Variants in SCN3A observed in about 807,000 individuals in gnomAD.
The protein encoded by SCN3A is sodium voltage-gated channel alpha subunit 3.
In SCN3A, 60 loss-of-function variants were observed where a neutral mutation model predicts 187.6. That is an observed-to-expected ratio of 0.32 (90% CI 0.26 to 0.40). SCN3A has a LOEUF of 0.40. Among genes scored for constraint, SCN3A ranks in the 10% least tolerant of loss-of-function variants. The pLI, the probability that SCN3A is intolerant of heterozygous loss-of-function variation, is 1.00. For missense variants in SCN3A, 1,601 were observed against 2,428.2 expected, an observed-to-expected ratio of 0.66 and a Z score of 7.16; for synonymous variants, 788 against 829.2, an observed-to-expected ratio of 0.95 and a Z score of 0.85.
rs758945688 is a variant in SCN3A, at chr2:165,090,646, G to A, written c.5507C>T (p.Ala1836Val). Reference sequence around the variant, plus strand: ...ACCACTGACCATGGGCAGATCCATGGCAATAAGCTGGACTTTGTTGGGTTT... The same window carrying A: ...ACCACTGACCATGGGCAGATCCATGACAATAAGCTGGACTTTGTTGGGTTT... ...IAKPNKVQLI[A>V]MDLPMVSGDR... Residue 1836 changes from alanine (A) to valine (V), a missense_variant, in exon 28 of 28, where the codon GCC becomes GTC. Coordinates refer to ENST00000283254, the MANE Select transcript of SCN3A (RefSeq NM_006922.4). The surrounding 1 kb of genome is among the most constrained non-coding windows in gnomAD (Gnocchi z 4.0). The A allele has an allele frequency of 1.9e-6, 3 of 1,614,058 alleles. No homozygotes were observed. Among genetic ancestry groups the A allele is most frequent in the Non-Finnish European group, 2.5e-6 (3 of 1,180,006 alleles).
chr2:165,109,124 G>T (rs1398954575), intron 21 of SCN3A, among the ~76,000 whole-genome samples: 1 of 152,006 alleles, frequency 6.6e-6, no homozygotes, highest in African/African-American at 2.4e-5. Context: ...GGGTTTCTAT[G>T]ACACCATGCA....
intron 9 of SCN3A, 132 bp from the exon 10 acceptor site, chr2:165,156,035 C>G: frequency 9.2e-7 from 1 of 1,081,430 alleles, no homozygotes. Flanking sequence ...TTCCAGAACA[C>G]TTTAGGTGAT....
At chr2:165,097,855 C>A (rs1259907271) in intron 22 of SCN3A, among the ~76,000 whole-genome samples, 1 of 152,138 alleles carries the variant, frequency 6.6e-6, no homozygotes, top group Non-Finnish European at 1.5e-5. Context: ...AAAAAATAAT[C>A]ATCTTTCAGT....
chr2:165,128,928 T>A (rs879606088), intron 17 of SCN3A, among the ~76,000 whole-genome samples: 4 of 152,216 alleles, frequency 2.6e-5, no homozygotes, highest in Non-Finnish European at 4.4e-5. Flanking sequence ...TTATTTCTGA[T>A]GTAAAAGAAA....
intron 1 of SCN3A, among the ~76,000 whole-genome samples, chr2:165,200,922 G>A (rs527536247): frequency 6.6e-6 from 1 of 152,166 alleles, no homozygotes; most frequent in Non-Finnish European, 1.5e-5. Context: ...TTATTGTACC[G>A]TTAATAGAAT....
chr2:165,200,661 C>T (rs1427871429), intron 1 of SCN3A, among the ~76,000 whole-genome samples: 1 of 152,006 alleles, frequency 6.6e-6, no homozygotes, highest in Non-Finnish European at 1.5e-5. Flanking sequence ...TCCATTAAGT[C>T]ATCTTGGCTG....
intron 26 of SCN3A, chr2:165,093,961 T>C (rs1429891581): frequency 1.0e-5 from 2 of 197,202 alleles, no homozygotes; most frequent in Non-Finnish European, 2.1e-5. Flanking sequence ...ACAAACAATT[T>C]TGATGACACC....
At chr2:165,094,544 G>C in intron 25 of SCN3A, 66 bp from the exon 26 acceptor site, 1 of 1,044,974 alleles carries the variant, frequency 9.6e-7, no homozygotes, top group Non-Finnish European at 1.5e-6. Flanking sequence ...AAAAATATTT[G>C]TCTTTCCTTT....
chr2:165,099,022 G>A (rs1685483920), intron 22 of SCN3A, among the ~76,000 whole-genome samples: 1 of 152,120 alleles, frequency 6.6e-6, no homozygotes, highest in Non-Finnish European at 1.5e-5. Flanking sequence ...GCATTAGCAA[G>A]GAAATGAAAT....
At chr2:165,181,203 G>T (rs1690832727) in intron 2 of SCN3A, among the ~76,000 whole-genome samples, 1 of 152,150 alleles carries the variant, frequency 6.6e-6, no homozygotes, top group African/African-American at 2.4e-5. Context: ...TATATGAAGA[G>T]AATTTTCACG....
At position 165,115,496 on chromosome 2, in the gene SCN3A, T is replaced by A; in HGVS notation, c.3473A>T (p.Glu1158Val). Residue 1158 changes from glutamate to valine, a missense_variant, in exon 19 of 28, where the codon GAA (glutamate) becomes GTA (valine). Glu to Val is a moderately radical substitution (Grantham distance 121, BLOSUM62 -2). Around this residue, in one of 11 missense-constraint regions of SCN3A, gnomAD observed 267 missense variants for 313.2 expected, o/e 0.85. Coordinates refer to ENST00000283254, the MANE Select transcript of SCN3A (RefSeq NM_006922.4). ...TTCCGGTTTAAGGTCTTCTTCGGGT[T>A]CAGTTTCAGCTTGTTCACCTTCTCG... is the stretch of plus-strand genomic sequence containing the variant. The part of the protein sequence containing the change: ...LPREGEQAET[E>V]PEEDLKPEAC... The A allele has an allele frequency of 6.2e-7, 1 of 1,614,006 alleles. No homozygotes were observed. Among genetic ancestry groups the A allele is most frequent in the East Asian group, 2.2e-5 (1 of 44,872 alleles).
chr2:165,157,047 A>G lies in SCN3A; in HGVS notation c.1032-1144T>C, dbSNP rs181420490. Among the ~76,000 whole-genome samples, 94 of 152,156 alleles carry G rather than the reference A, an allele frequency of 6.2e-4. 1 individual carries two copies. The East Asian group carries it at 0.017, about 27-fold the overall frequency. On this transcript the variant is annotated intron_variant, in intron 9 of 27. Coordinates refer to ENST00000283254, the MANE Select transcript of SCN3A (RefSeq NM_006922.4). ...TGCCTCAGCCTCCCAAATAGCTGGG[A>G]CTACAGGTGCCTGCCATCACGCCCA... is the stretch of plus-strand genomic sequence containing the variant.
At chr2:165,190,067 G>C (rs1380593256) in intron 1 of SCN3A, among the ~76,000 whole-genome samples, 1 of 152,170 alleles carries the variant, frequency 6.6e-6, no homozygotes, top group Non-Finnish European at 1.5e-5. Flanking sequence ...TGGGAATGTG[G>C]TTGGCTTTTC....
At chr2:165,136,656 C>T (rs974492844) in intron 15 of SCN3A, among the ~76,000 whole-genome samples, 2 of 152,196 alleles carry the variant, frequency 1.3e-5, no homozygotes, top group African/African-American at 2.4e-5. Flanking sequence ...CTACTTGAAG[C>T]AGCCTTTTTG....
At position 165,088,426 on chromosome 2, in the gene SCN3A, T is replaced by C. The variant is rs1416842511; in HGVS notation, c.*1724A>G. 6.6e-6 allele frequency: 1 copy of C among 152,574 alleles called. No individual in the cohort carries two copies. The highest frequency in any genetic ancestry group is 3.4e-3 in the Middle Eastern group (1 of 294). The allele number at this position is 152,574 out of a possible 1,614,324, so 9.5% of individuals were successfully genotyped here. On this transcript the variant is annotated 3_prime_UTR_variant, in exon 28 of 28. Coordinates refer to ENST00000283254, the MANE Select transcript of SCN3A (RefSeq NM_006922.4). ...ATTAAAAAAATAAGACTAGTCTGCATACGTAAATACTACAAAAGTTGAATA... is the reference window on the plus strand; with the variant it reads ...ATTAAAAAAATAAGACTAGTCTGCACACGTAAATACTACAAAAGTTGAATA...
Position 165,092,822 on chromosome 2 carries a change from T to C in SCN3A, c.4537-298A>G. ...CTGTAATTCCAGCACTTTAGGAGGC[T>C]GAGACTGGAGGCTCTCTTGAGGCCA... On this transcript the variant is annotated intron_variant, in intron 26 of 27. Transcript: ENST00000283254. This position sits in a 1 kb window ranked among gnomAD's most constrained non-coding sequence, Gnocchi z 4.2. The C allele has an allele frequency of 3.1e-6, 1 of 325,000 alleles. No individual in the cohort carries two copies. The highest frequency in any genetic ancestry group is 5.7e-6 in the Non-Finnish European group (1 of 173,922). 20.1% of individuals were successfully genotyped at this position (325,000 alleles called of 1,614,324 possible).
chr2:165,166,479 A>G (rs1689764141), intron 5 of SCN3A, among the ~76,000 whole-genome samples: 1 of 152,174 alleles, frequency 6.6e-6, no homozygotes, highest in Admixed American at 6.6e-5. Flanking sequence ...TTGAATTTTC[A>G]TATTTTAAGT....
intron 21 of SCN3A, among the ~76,000 whole-genome samples, chr2:165,101,863 T>G (rs1276911363): frequency 1.3e-5 from 2 of 152,244 alleles, no homozygotes; most frequent in African/African-American, 4.8e-5. Context: ...ATGAAGCCAC[T>G]GTCCTCTCAT....
chr2:165,136,672 T>C (rs1687688371), intron 15 of SCN3A, among the ~76,000 whole-genome samples: 1 of 152,218 alleles, frequency 6.6e-6, no homozygotes, highest in South Asian at 2.1e-4. Context: ...TTTTGGGTAG[T>C]TATCAACCAG....
Sources: allele counts gnomAD v4.1 joint callset (sites outside exome capture counted in the v4.1 genomes callset), GRCh38; gene constraint gnomAD v4.1.1; regional missense constraint gnomAD v4.1.1; non-coding constraint Gnocchi (gnomAD v3.1); transcripts MANE v1.5; gene names NCBI Gene and HGNC (gene_info 2026-07-23, HGNC 2026-07-21).